DOCK3: variants seen among roughly 807,000 people sequenced by gnomAD.
DOCK3 encodes dedicator of cytokinesis protein 3.
In DOCK3, 60 loss-of-function variants were observed where a neutral mutation model predicts 265.6. That is an observed-to-expected ratio of 0.23 (90% CI 0.18 to 0.28). DOCK3 has a LOEUF of 0.28. Ranked by LOEUF, DOCK3 falls within the 10% of genes least tolerant of loss-of-function variation. The pLI is 1.00. For synonymous variants in DOCK3, 881 were observed against 938.0 expected, an observed-to-expected ratio of 0.94 and a Z score of 1.11; for missense variants, 1,981 against 2,594.3, an observed-to-expected ratio of 0.76 and a Z score of 5.14.
intron 9 of DOCK3, among the ~76,000 whole-genome samples, chr3:51,105,066 G>A (rs570012767): frequency 6.6e-6 from 1 of 152,322 alleles, no homozygotes; most frequent in Admixed American, 6.5e-5. Flanking sequence ...GGTATTCCAA[G>A]CAAAGGAGAG....
chr3:51,188,734 T>C (rs1485075143), intron 12 of DOCK3, among the ~76,000 whole-genome samples: 1 of 152,222 alleles, frequency 6.6e-6, no homozygotes, highest in Non-Finnish European at 1.5e-5. Context: ...CCATCCATGT[T>C]ACTAAAGGTA....
At position 51,361,786 on chromosome 3, in the gene DOCK3, A is replaced by T. The variant is rs2086754351; in HGVS notation, c.5007-73A>T. The T allele has an allele frequency of 3.2e-6, 5 of 1,543,622 alleles. No homozygotes were observed. Among genetic ancestry groups the T allele is most frequent in the Non-Finnish European group, 4.4e-6 (5 of 1,143,074 alleles). ...CTGAAACCAGGGATGACTATTCCAC[A>T]CATTCCGCTCTACTGTCCCCCTGCC... On this transcript the variant is annotated intron_variant, in intron 47 of 52. Coordinates refer to ENST00000266037, the MANE Select transcript of DOCK3 (RefSeq NM_004947.5). The surrounding 1 kb of genome is among the most constrained non-coding windows in gnomAD (Gnocchi z 4.2).
At chr3:51,070,432 G>C (rs1048666578) in intron 6 of DOCK3, among the ~76,000 whole-genome samples, 1 of 152,078 alleles carries the variant, frequency 6.6e-6, no homozygotes, top group Non-Finnish European at 1.5e-5. Flanking sequence ...TCCTTTAACA[G>C]GCCACTTAGT....
chr3:51,260,029 T>C, intron 22 of DOCK3, 127 bp from the exon 23 acceptor site: 1 of 900,862 alleles, frequency 1.1e-6, no homozygotes. Flanking sequence ...TCTATCTCCA[T>C]AGTTAGAATT....
intron 27 of DOCK3, among the ~76,000 whole-genome samples, chr3:51,283,797 G>A (rs1380567892): frequency 2.6e-5 from 4 of 152,090 alleles, no homozygotes; most frequent in Admixed American, 6.5e-5. Context: ...GGGAACAAAG[G>A]GGACTGGCAT....
At chr3:51,167,606 G>A (rs541162519) in intron 12 of DOCK3, among the ~76,000 whole-genome samples, 1 of 151,766 alleles carries the variant, frequency 6.6e-6, no homozygotes, top group Admixed American at 6.6e-5. Context: ...TCATTTATTT[G>A]TGTCTTTTTC....
intron 4 of DOCK3, among the ~76,000 whole-genome samples, chr3:50,927,824 G>A (rs1160660340): frequency 6.6e-6 from 1 of 152,080 alleles, no homozygotes; most frequent in East Asian, 1.9e-4. Context: ...TTCTGCCTAG[G>A]GGAAGGGGAT....
chr3:51,183,709 G>A (rs531088250), intron 12 of DOCK3, among the ~76,000 whole-genome samples: 1 of 152,204 alleles, frequency 6.6e-6, no homozygotes, highest in South Asian at 2.1e-4. Context: ...TAAACACGAA[G>A]GAGCAGTTTA....
intron 9 of DOCK3, among the ~76,000 whole-genome samples, chr3:51,100,493 A>G (rs956056890): frequency 6.6e-6 from 1 of 152,170 alleles, no homozygotes; most frequent in African/African-American, 2.4e-5. Context: ...AATTCTATGT[A>G]TGAGCTCTAC....
At chr3:50,716,357 C>T (rs1167672784) in intron 1 of DOCK3, among the ~76,000 whole-genome samples, 3 of 151,966 alleles carry the variant, frequency 2.0e-5, no homozygotes, top group Non-Finnish European at 4.4e-5. Context: ...GAAACCCCAT[C>T]TCTACTAAAA....
At chr3:50,786,274 T>G (rs1476221622) in intron 2 of DOCK3, among the ~76,000 whole-genome samples, 3 of 152,220 alleles carry the variant, frequency 2.0e-5, no homozygotes, top group African/African-American at 7.2e-5. Flanking sequence ...TATGAAATTA[T>G]AAAATTCTAG....
At chr3:50,886,768 G>T (rs976061577) in intron 3 of DOCK3, among the ~76,000 whole-genome samples, 2 of 151,740 alleles carry the variant, frequency 1.3e-5, no homozygotes, top group African/African-American at 4.8e-5. Context: ...TGACTACTGG[G>T]TACATAATGA....
At chr3:50,705,816 G>A (rs2036375292) in intron 1 of DOCK3, among the ~76,000 whole-genome samples, 1 of 152,100 alleles carries the variant, frequency 6.6e-6, no homozygotes, top group Non-Finnish European at 1.5e-5. Context: ...GATCACTTGA[G>A]GCCAGGAGTT....
At chr3:51,324,680 C>T (rs1051264397) in intron 32 of DOCK3, among the ~76,000 whole-genome samples, 24 of 152,186 alleles carry the variant, frequency 1.6e-4, no homozygotes, top group Admixed American at 8.5e-4. Flanking sequence ...TACAAGGCTA[C>T]GGTAACCAAA....
intron 3 of DOCK3, among the ~76,000 whole-genome samples, chr3:50,884,063 A>G (rs2107679217): frequency 6.6e-6 from 1 of 152,136 alleles, no homozygotes; most frequent in African/African-American, 2.4e-5. Context: ...ATGGCTGAAT[A>G]AGATTTCACT....
intron 1 of DOCK3, among the ~76,000 whole-genome samples, chr3:50,717,243 C>T (rs2037173278): frequency 6.6e-6 from 1 of 152,198 alleles, no homozygotes; most frequent in South Asian, 2.1e-4. Flanking sequence ...TACACTTGTG[C>T]AAATATACCT....
chr3:51,099,891 C>T (rs2083015667), intron 9 of DOCK3, among the ~76,000 whole-genome samples: 1 of 152,212 alleles, frequency 6.6e-6, no homozygotes, highest in Non-Finnish European at 1.5e-5. Context: ...GGTACACCTA[C>T]TGTGGGGCTA....
At chr3:50,734,478 G>A (rs949201397) in intron 1 of DOCK3, among the ~76,000 whole-genome samples, 4 of 151,978 alleles carry the variant, frequency 2.6e-5, no homozygotes, top group Non-Finnish European at 5.9e-5. Flanking sequence ...CTCCAGCCTG[G>A]GCAACAGAGC....
At chr3:51,290,472 G>A (rs1260327743) in intron 27 of DOCK3, among the ~76,000 whole-genome samples, 1 of 152,084 alleles carries the variant, frequency 6.6e-6, no homozygotes, top group African/African-American at 2.4e-5. Flanking sequence ...ACTCATAGGT[G>A]GGAATTGAAC....
Sources: gnomAD v4.1 joint callset for allele counts (sites outside exome capture counted in the v4.1 genomes callset) on GRCh38, gnomAD v4.1.1 for gene constraint, Gnocchi (gnomAD v3.1) non-coding constraint, MANE v1.5 for transcripts, NCBI Gene and HGNC (gene_info 2026-07-23, HGNC 2026-07-21) for gene names.